Variants in ZSWIM5 observed in about 807,000 individuals in gnomAD.
ZSWIM5 encodes zinc finger SWIM-type containing 5.
ZSWIM5 carries 55 observed loss-of-function variants against 119.6 expected under a neutral mutation model. The ratio of observed to expected loss-of-function variants is 0.46; its 90% CI spans 0.37 to 0.58. ZSWIM5 has a LOEUF of 0.58. Among genes scored for constraint, ZSWIM5 ranks in the 20% least tolerant of loss-of-function variants. The pLI, the probability that ZSWIM5 is intolerant of heterozygous loss-of-function variation, is 0.00. For synonymous variants in ZSWIM5, 537 were observed against 606.9 expected, an observed-to-expected ratio of 0.88 and a Z score of 1.69; for missense variants, 1,193 against 1,512.8, an observed-to-expected ratio of 0.79 and a Z score of 3.51.
intron 5 of ZSWIM5, among the ~76,000 whole-genome samples, chr1:45,044,822 A>AATAT (rs1553189127): frequency 1.4e-3 from 2 of 1,398 alleles, no homozygotes; most frequent in African/African-American, 3.0e-3. Flanking sequence ...TATATATATA[A>AATAT]ATATATATAT....
chr1:45,161,114 G>A (rs868144192), intron 1 of ZSWIM5, among the ~76,000 whole-genome samples: 9 of 151,502 alleles, frequency 5.9e-5, no homozygotes, highest in South Asian at 2.1e-4. Context: ...ATGAGCCACC[G>A]TGCCTGGCCT....
intron 1 of ZSWIM5, among the ~76,000 whole-genome samples, chr1:45,130,174 A>T (rs913562905): frequency 6.6e-6 from 1 of 152,274 alleles, no homozygotes; most frequent in Non-Finnish European, 1.5e-5. Flanking sequence ...TTGGGATTAC[A>T]GGCGTGGGCC....
rs1196382808 is a variant in ZSWIM5, at chr1:45,019,345, G to A, written c.2696-29C>T. 6.3e-7 allele frequency: 1 copy of A among 1,589,242 alleles called. No individual in the cohort carries two copies. Among genetic ancestry groups the A allele is most frequent in the East Asian group, 2.2e-5 (1 of 44,676 alleles). On this transcript the variant is annotated intron_variant, in intron 13 of 13. Transcript: ENST00000359600. This position sits in a 1 kb window ranked among gnomAD's most constrained non-coding sequence, Gnocchi z 5.0. ...TCAGGGGGAGCCTGAGCTCAGCCGTGGCCATCTGGGTCCTGATTCAGGTCT... is the reference window on the plus strand; with the variant it reads ...TCAGGGGGAGCCTGAGCTCAGCCGTAGCCATCTGGGTCCTGATTCAGGTCT...
At position 45,138,399 on chromosome 1, in the gene ZSWIM5, G is replaced by A. The variant is rs58829168; in HGVS notation, c.596-50162C>T. 2.6e-3 allele frequency among the ~76,000 whole-genome samples: 401 copies of A among 151,426 alleles called. 2 individuals carry two copies. Among genetic ancestry groups the A allele is most frequent in the African/African-American group, 9.2e-3 (380 of 41,276 alleles). The stretch of plus-strand genomic sequence containing the variant: ...GTGTGCCTGTAGACCCAGCTACTCC[G>A]GAGGCTGAGGCAGGAGAATCGCCTG... On this transcript the variant is annotated intron_variant, in intron 1 of 13. Coordinates refer to ENST00000359600, the MANE Select transcript of ZSWIM5 (RefSeq NM_020883.2).
In ZSWIM5 at chr1:45,058,628, C is replaced by T. The variant is rs368429194; in HGVS notation, c.1233G>A (p.Arg411=). The T allele has an allele frequency of 2.5e-5, 40 of 1,614,224 alleles. No individual in the cohort carries two copies. In the African/African-American group the frequency reaches 4.7e-4, roughly 19 times the overall value. The change falls in exon 4 of 14, where the codon AGG becomes AGA. Residue 411 remains arginine (R), a synonymous_variant. Coordinates refer to ENST00000359600, the MANE Select transcript of ZSWIM5 (RefSeq NM_020883.2). ...QQGTNMTDKC[R]QLWDELGALW... Reference sequence around the variant, plus strand: ...ACTTACCTAGCTCATCCCAGAGCTGCCTGCACTTGTCTGTCATGTTTGTTC... The same window carrying T: ...ACTTACCTAGCTCATCCCAGAGCTGTCTGCACTTGTCTGTCATGTTTGTTC...
At chr1:45,162,767 G>A (rs1645871382) in intron 1 of ZSWIM5, among the ~76,000 whole-genome samples, 1 of 152,218 alleles carries the variant, frequency 6.6e-6, no homozygotes, top group Admixed American at 6.5e-5. Flanking sequence ...CAGCCAGGCT[G>A]GGGGAGGGGC....
chr1:45,044,550 C>T (rs1413292538), intron 5 of ZSWIM5, among the ~76,000 whole-genome samples: 6 of 147,350 alleles, frequency 4.1e-5, no homozygotes, highest in South Asian at 4.3e-4. Flanking sequence ...GGTGAAACTC[C>T]GTCTCTACTA....
intron 2 of ZSWIM5, among the ~76,000 whole-genome samples, chr1:45,063,719 G>A (rs1390030143): frequency 4.6e-5 from 7 of 152,134 alleles, no homozygotes; most frequent in Admixed American, 6.6e-5. Flanking sequence ...ATAGGAAGGC[G>A]CAGTGGCTCA....
At chr1:45,202,772 A>C (rs1158310297) in intron 1 of ZSWIM5, among the ~76,000 whole-genome samples, 1 of 152,012 alleles carries the variant, frequency 6.6e-6, no homozygotes, top group Non-Finnish European at 1.5e-5. Flanking sequence ...CCTGAGAAAA[A>C]GCAAAGCTTC....
chr1:45,161,176 T>C (rs1448059572), intron 1 of ZSWIM5, among the ~76,000 whole-genome samples: 1 of 151,990 alleles, frequency 6.6e-6, no homozygotes, highest in African/African-American at 2.4e-5. Flanking sequence ...CTTGGGTTGA[T>C]TCCATATTTT....
intron 11 of ZSWIM5, among the ~76,000 whole-genome samples, chr1:45,023,287 GT>G (rs1044633455): frequency 8.9e-4 from 136 of 152,090 alleles, no homozygotes; most frequent in African/African-American, 3.0e-3. Flanking sequence ...TCTTTTTACT[GT>G]CTTCATAGTT....
chr1:45,031,169 A>ATT (rs34390567), intron 11 of ZSWIM5, among the ~76,000 whole-genome samples: 8,668 of 61,762 alleles, frequency 0.14, 1,412 homozygotes, highest in Non-Finnish European at 0.18. Flanking sequence ...TTTTGCTCTG[A>ATT]TTTTTTTTTT....
chr1:45,071,182 C>T (rs907802773), intron 2 of ZSWIM5, among the ~76,000 whole-genome samples: 5 of 152,134 alleles, frequency 3.3e-5, no homozygotes, highest in Non-Finnish European at 7.4e-5. Context: ...TGACTATAAT[C>T]GTCCTGTTGT....
At chr1:45,135,758 A>G (rs1477684781) in intron 1 of ZSWIM5, among the ~76,000 whole-genome samples, 1 of 152,158 alleles carries the variant, frequency 6.6e-6, no homozygotes, top group Non-Finnish European at 1.5e-5. Flanking sequence ...CTCATTGTCC[A>G]TTGGACACAT....
intron 1 of ZSWIM5, among the ~76,000 whole-genome samples, chr1:45,103,853 T>C (rs749885038): frequency 2.6e-5 from 4 of 152,200 alleles, no homozygotes; most frequent in Non-Finnish European, 5.9e-5. Flanking sequence ...CAAGAAAGGC[T>C]CTAGTAAAGC....
rs118127973 is a variant in ZSWIM5 at position 45,142,379 on chromosome 1, T to A, written c.596-54142A>T. Among the ~76,000 whole-genome samples, 12 of 152,278 alleles carry A rather than the reference T, an allele frequency of 7.9e-5. No homozygotes were observed. The East Asian group carries it at 2.3e-3, about 29-fold the overall frequency. On this transcript the variant is annotated intron_variant, in intron 1 of 13. Coordinates refer to ENST00000359600, the MANE Select transcript of ZSWIM5 (RefSeq NM_020883.2). ...TTTTTGTTGTTATTTTGAGTTAAGG[T>A]CTTACTCTGTCACCCAGGCTAGAGT... is the stretch of plus-strand genomic sequence containing the variant.
At chr1:45,069,300 C>A (rs1645206302) in intron 2 of ZSWIM5, among the ~76,000 whole-genome samples, 1 of 151,948 alleles carries the variant, frequency 6.6e-6, no homozygotes, top group Non-Finnish European at 1.5e-5. Context: ...GTGGTGGGCG[C>A]CTGGAGTCCC....
chr1:45,205,375 T>C (rs1260716675), intron 1 of ZSWIM5, among the ~76,000 whole-genome samples: 1 of 152,184 alleles, frequency 6.6e-6, no homozygotes, highest in Non-Finnish European at 1.5e-5. Context: ...AAACGCTCCC[T>C]CTAAAACCGC....
At chr1:45,170,501 T>C (rs1303377666) in intron 1 of ZSWIM5, among the ~76,000 whole-genome samples, 1 of 151,702 alleles carries the variant, frequency 6.6e-6, no homozygotes, top group East Asian at 1.9e-4. Context: ...CATGACTCAC[T>C]GCAACTTTGA....
Sources: gnomAD v4.1 joint callset for allele counts (sites outside exome capture counted in the v4.1 genomes callset) on GRCh38, gnomAD v4.1.1 for gene constraint, Gnocchi (gnomAD v3.1) non-coding constraint, MANE v1.5 for transcripts, NCBI Gene and HGNC (gene_info 2026-07-23, HGNC 2026-07-21) for gene names.